The following TNS3 variants were observed in gnomAD, a reference collection of about 807,000 sequenced individuals.
The protein encoded by TNS3 is tensin-3.
Under a neutral mutation model 140.9 loss-of-function variants are expected in TNS3, and 45 were observed. That is an observed-to-expected ratio of 0.32 (90% CI 0.25 to 0.41). TNS3 has a LOEUF of 0.41. Among genes scored for constraint, TNS3 ranks in the 10% least tolerant of loss-of-function variants. The probability of loss-of-function intolerance (pLI) is 1.00; values close to 1 mark genes in which losing one functional copy is unlikely to be tolerated. For missense variants in TNS3, 1,716 were observed against 1,906.7 expected, an observed-to-expected ratio of 0.90 and a Z score of 1.86; for synonymous variants, 815 against 788.4, an observed-to-expected ratio of 1.03 and a Z score of -0.56.
At chr7:47,443,159 C>T (rs909450243) in intron 4 of TNS3, among the ~76,000 whole-genome samples, 23 of 152,098 alleles carry the variant, frequency 1.5e-4, no homozygotes, top group Non-Finnish European at 1.5e-4. Context: ...TTGTTTTTCC[C>T]GGGAAAGCCC....
intron 1 of TNS3, among the ~76,000 whole-genome samples, chr7:47,532,083 C>T (rs1236716594): frequency 6.6e-6 from 1 of 152,218 alleles, no homozygotes; most frequent in Non-Finnish European, 1.5e-5. Flanking sequence ...GCCCACCATC[C>T]CTGCTGGCTC....
chr7:47,427,694 G>A (rs1794730788), intron 9 of TNS3, among the ~76,000 whole-genome samples: 2 of 152,126 alleles, frequency 1.3e-5, no homozygotes, highest in African/African-American at 4.8e-5. Flanking sequence ...CACCTCCAAA[G>A]TCTCCACGAT....
At chr7:47,357,933 T>A (rs1444362611) in intron 17 of TNS3, among the ~76,000 whole-genome samples, 1 of 152,188 alleles carries the variant, frequency 6.6e-6, no homozygotes, top group Non-Finnish European at 1.5e-5. Context: ...ACCCCATGTT[T>A]TGTAAGTCAA....
chr7:47,291,930 T>TAG (rs1192110193), intron 27 of TNS3, 25 bp downstream of exon 27: 1 of 1,612,852 alleles, frequency 6.2e-7, no homozygotes. Context: ...TCACCAGATG[T>TAG]AGAAATGGAG....
At chr7:47,538,694 A>T (rs930673648) in intron 1 of TNS3, among the ~76,000 whole-genome samples, 7 of 152,268 alleles carry the variant, frequency 4.6e-5, no homozygotes, top group African/African-American at 1.4e-4. Context: ...TTAACTACAA[A>T]GGAAAAAACC....
intron 27 of TNS3, among the ~76,000 whole-genome samples, chr7:47,286,160 G>A (rs1303211585): frequency 6.6e-6 from 1 of 152,098 alleles, no homozygotes; most frequent in Admixed American, 6.5e-5. Context: ...CACAAAATTG[G>A]CACAATCTCA....
intron 20 of TNS3, among the ~76,000 whole-genome samples, chr7:47,335,227 G>A (rs558552512): frequency 1.3e-5 from 2 of 152,200 alleles, no homozygotes; most frequent in African/African-American, 2.4e-5. Flanking sequence ...TTCAACAGAC[G>A]GACGATGGCG....
At chr7:47,548,552 TG>T (rs1799982293) in intron 1 of TNS3, among the ~76,000 whole-genome samples, 1 of 152,180 alleles carries the variant, frequency 6.6e-6, no homozygotes, top group Non-Finnish European at 1.5e-5. Flanking sequence ...CACCATCTCC[TG>T]ATGCATTTTC....
At position 47,500,311 on chromosome 7, in the gene TNS3, G is replaced by A. The variant is rs550082455; in HGVS notation, c.-115+6596C>T. ...TTAACTGCCTCCGCCCTTAGAGCAA[G>A]AAGTGGGGAGGGAGGAGAAGGGATG... On this transcript the variant is annotated intron_variant, in intron 3 of 30. Coordinates refer to ENST00000311160, the MANE Select transcript of TNS3 (RefSeq NM_022748.12). Among the ~76,000 whole-genome samples the A allele has an allele frequency of 1.2e-4, 19 of 152,346 alleles. No homozygotes were observed. The South Asian group carries it at 3.7e-3, about 30-fold the overall frequency.
chr7:47,541,364 A>C (rs1467778460), intron 1 of TNS3, among the ~76,000 whole-genome samples: 3 of 152,174 alleles, frequency 2.0e-5, no homozygotes, highest in African/African-American at 4.8e-5. Flanking sequence ...GTGCACACAC[A>C]CACATGCACA....
intron 3 of TNS3, among the ~76,000 whole-genome samples, chr7:47,487,817 CTTTTA>C (rs1024312560): frequency 3.3e-5 from 5 of 152,134 alleles, no homozygotes; most frequent in African/African-American, 9.7e-5. Flanking sequence ...ATGAAGTTTA[CTTTTA>C]TTTTATCTTT....
chr7:47,386,882 C>T (rs889109441), intron 16 of TNS3, among the ~76,000 whole-genome samples: 2 of 152,308 alleles, frequency 1.3e-5, no homozygotes, highest in East Asian at 3.9e-4. Flanking sequence ...CATAAAATAT[C>T]CCTGCAATCT....
intron 4 of TNS3, among the ~76,000 whole-genome samples, chr7:47,443,626 A>C (rs1236295447): frequency 1.3e-5 from 2 of 152,238 alleles, no homozygotes; most frequent in Non-Finnish European, 2.9e-5. Flanking sequence ...GTGTATAAAA[A>C]GTATTTAGAA....
intron 3 of TNS3, among the ~76,000 whole-genome samples, chr7:47,495,460 C>T (rs1178556975): frequency 6.6e-6 from 1 of 152,134 alleles, no homozygotes; most frequent in Non-Finnish European, 1.5e-5. Flanking sequence ...GGGCACAGGG[C>T]CACGACCCCC....
At chr7:47,575,086 A>G (rs1273841245) in intron 1 of TNS3, among the ~76,000 whole-genome samples, 1 of 152,244 alleles carries the variant, frequency 6.6e-6, no homozygotes, top group Admixed American at 6.5e-5. Flanking sequence ...AGTCTGCTAG[A>G]AATCCTTTCA....
intron 20 of TNS3, among the ~76,000 whole-genome samples, chr7:47,323,904 A>T (rs1787886772): frequency 6.6e-6 from 1 of 152,242 alleles, no homozygotes; most frequent in Admixed American, 6.5e-5. Context: ...AGGAAAAGAG[A>T]AACAGAAGAG....
chr7:47,514,917 A>G (rs896763388), intron 2 of TNS3, among the ~76,000 whole-genome samples: 2 of 152,136 alleles, frequency 1.3e-5, no homozygotes, highest in African/African-American at 4.8e-5. Context: ...TGGGATATCA[A>G]TGGCAACTGG....
Position 47,415,230 on chromosome 7 carries a change from C to G in TNS3, c.474-24G>C, listed in dbSNP as rs138849058. ...ACCTGCAAAACGGACAGCTGGGTTA[C>G]ACTTCCCAGAAGTGTCTTCAGCCTC... On this transcript the variant is annotated intron_variant, in intron 10 of 30. Transcript: ENST00000311160. The G allele has an allele frequency of 1.1e-3, 1,756 of 1,559,332 alleles. 15 individuals are homozygous for G. In the African/African-American group the frequency reaches 0.021, roughly 19 times the overall value.
At chr7:47,414,129 A>G (rs894136943) in intron 11 of TNS3, 132 bp from the exon 12 acceptor site, 2 of 871,984 alleles carry the variant, frequency 2.3e-6, no homozygotes, top group African/African-American at 1.7e-5. Context: ...CTGGGAAAGC[A>G]GTGCATGGAG....
Sources: gnomAD v4.1 joint callset for allele counts (sites outside exome capture counted in the v4.1 genomes callset) on GRCh38, gnomAD v4.1.1 for gene constraint, MANE v1.5 for transcripts, NCBI Gene and HGNC (gene_info 2026-07-23, HGNC 2026-07-21) for gene names.